CRTAC1: variants seen among roughly 807,000 people sequenced by gnomAD.
CRTAC1 encodes acidic secreted protein in cartilage.
Under a neutral mutation model 67.8 loss-of-function variants are expected in CRTAC1, and 37 were observed. That is an observed-to-expected ratio of 0.55 (90% CI 0.42 to 0.72). The LOEUF (loss-of-function observed/expected upper bound fraction) is 0.72, where lower values mean the gene tolerates loss of function less well. CRTAC1 is among the 30% of genes least tolerant of loss of function. The probability of loss-of-function intolerance (pLI) is 0.00; values close to 1 mark genes in which losing one functional copy is unlikely to be tolerated. For missense variants in CRTAC1, 780 were observed against 931.6 expected (o/e 0.84, Z 2.12); for synonymous variants, 348 against 371.0 (o/e 0.94, Z 0.71).
chr10:97,964,496 A>C (rs1280157642), intron 2 of CRTAC1, among the ~76,000 whole-genome samples: 2 of 152,120 alleles, frequency 1.3e-5, no homozygotes, highest in East Asian at 1.9e-4. Flanking sequence ...CCCATAAAAC[A>C]CTCATAGGAG....
chr10:97,971,668 T>C (rs892278810), intron 2 of CRTAC1, among the ~76,000 whole-genome samples: 3 of 152,242 alleles, frequency 2.0e-5, no homozygotes, highest in South Asian at 4.1e-4. Flanking sequence ...TTTTATGTTA[T>C]GCATAGTTTA....
intron 2 of CRTAC1, among the ~76,000 whole-genome samples, chr10:97,945,434 T>C (rs1175232158): frequency 6.6e-6 from 1 of 152,258 alleles, no homozygotes; most frequent in Non-Finnish European, 1.5e-5. Context: ...TAATGCTCTT[T>C]TTTTTGTTTG....
intron 14 of CRTAC1, chr10:97,879,511 G>T: frequency 1.4e-6 from 1 of 726,118 alleles, no homozygotes; most frequent in Non-Finnish European, 2.1e-6. Context: ...CTAAGGTTGT[G>T]TCAGTATCGC....
chr10:97,885,786 A>AC lies in CRTAC1; in HGVS notation c.1487-1436dup, dbSNP rs1263925422. Among the ~76,000 whole-genome samples the AC allele has an allele frequency of 3.3e-5, 5 of 152,308 alleles. No homozygotes were observed. In the East Asian group the frequency reaches 9.6e-4, roughly 29 times the overall value. On this transcript the variant is annotated intron_variant, in intron 11 of 14. Transcript: ENST00000370597. ...CCATCAGGGCTGAGCAGATGTGGGGACACGGGGTCCTGCAGGGGGACCTGA... is the reference window on the plus strand; with the variant it reads ...CCATCAGGGCTGAGCAGATGTGGGGACCACGGGGTCCTGCAGGGGGACCTGA...
chr10:97,881,028 G>A (rs1420368519), intron 13 of CRTAC1, among the ~76,000 whole-genome samples: 1 of 152,050 alleles, frequency 6.6e-6, no homozygotes, highest in Non-Finnish European at 1.5e-5. Flanking sequence ...CCAATTTCCT[G>A]CCATCGTGAC....
At chr10:97,972,516 C>T (rs1045613001) in intron 2 of CRTAC1, among the ~76,000 whole-genome samples, 3 of 152,156 alleles carry the variant, frequency 2.0e-5, no homozygotes, top group African/African-American at 7.2e-5. Flanking sequence ...GAAAGTTAAA[C>T]CTGTACTCGA....
chr10:97,984,790 C>T, intron 2 of CRTAC1, among the ~76,000 whole-genome samples: 1 of 152,154 alleles, frequency 6.6e-6, no homozygotes, highest in Non-Finnish European at 1.5e-5. Flanking sequence ...CTGAGTCTGT[C>T]TGACTTACGT....
At chr10:98,000,368 T>C (rs1049271492) in intron 2 of CRTAC1, among the ~76,000 whole-genome samples, 1 of 152,154 alleles carries the variant, frequency 6.6e-6, no homozygotes, top group Admixed American at 6.5e-5. Flanking sequence ...TGCCACCACG[T>C]TCCCCAGTGC....
chr10:97,937,653 A>G (rs951784666), intron 2 of CRTAC1, among the ~76,000 whole-genome samples: 1 of 152,226 alleles, frequency 6.6e-6, no homozygotes, highest in Non-Finnish European at 1.5e-5. Context: ...CAGGTGTCCC[A>G]TGGTCTGTTT....
intron 2 of CRTAC1, among the ~76,000 whole-genome samples, chr10:97,999,729 G>C (rs1468586301): frequency 1.3e-5 from 2 of 152,194 alleles, no homozygotes; most frequent in African/African-American, 4.8e-5. Flanking sequence ...TGCCTTTTCT[G>C]GGCCTGCCCA....
intron 2 of CRTAC1, among the ~76,000 whole-genome samples, chr10:97,962,628 G>A (rs2051544437): frequency 6.6e-6 from 1 of 152,188 alleles, no homozygotes; most frequent in Non-Finnish European, 1.5e-5. Context: ...GGGGACCAGG[G>A]CTACTGGTGC....
At chr10:98,012,360 C>A (rs948018434) in intron 1 of CRTAC1, among the ~76,000 whole-genome samples, 2 of 145,756 alleles carry the variant, frequency 1.4e-5, no homozygotes, top group East Asian at 4.0e-4. Context: ...GCAGATGGCA[C>A]CACCCTGAGA....
At chr10:97,900,476 C>T (rs1185997914) in intron 8 of CRTAC1, among the ~76,000 whole-genome samples, 1 of 151,668 alleles carries the variant, frequency 6.6e-6, no homozygotes, top group Non-Finnish European at 1.5e-5. Context: ...TGATTGGACC[C>T]CATAGCCCCT....
intron 2 of CRTAC1, among the ~76,000 whole-genome samples, chr10:97,974,064 C>A (rs1590253541): frequency 6.6e-6 from 1 of 151,726 alleles, no homozygotes; most frequent in Middle Eastern, 3.5e-3. Context: ...AGATAAAATA[C>A]CACTTATATT....
intron 14 of CRTAC1, chr10:97,879,561 A>G (rs2050184311): frequency 7.8e-7 from 1 of 1,277,342 alleles, no homozygotes; most frequent in Non-Finnish European, 1.0e-6. Context: ...CCTGTTGTCC[A>G]TTCAGAGGGA....
At position 97,927,041 on chromosome 10, in the gene CRTAC1, G is replaced by C. The variant is rs142532916; in HGVS notation, c.422-3641C>G. On this transcript the variant is annotated intron_variant, in intron 3 of 14. Coordinates refer to ENST00000370597, the MANE Select transcript of CRTAC1 (RefSeq NM_018058.7). ...GAAGCCTGGGCCAGCATGGAGTCGG[G>C]GAGAAAATGGGTGTGGCAGCTGGGG... is the stretch of plus-strand genomic sequence containing the variant. 9.1e-4 allele frequency among the ~76,000 whole-genome samples: 139 copies of C among 152,344 alleles called. No homozygotes were observed. The East Asian group carries it at 0.01, about 11-fold the overall frequency.
At chr10:97,973,903 G>T (rs1468618184) in intron 2 of CRTAC1, among the ~76,000 whole-genome samples, 2 of 144,904 alleles carry the variant, frequency 1.4e-5, no homozygotes, top group African/African-American at 5.1e-5. Flanking sequence ...AGAATTCTGT[G>T]ATTATAATAG....
At chr10:97,880,100 C>T in intron 14 of CRTAC1, 149 bp downstream of exon 14, 3 of 922,184 alleles carry the variant, frequency 3.3e-6, no homozygotes, top group East Asian at 4.9e-5. Flanking sequence ...CTGTCATGGT[C>T]TTCCCTGGAG....
intron 2 of CRTAC1, among the ~76,000 whole-genome samples, chr10:97,998,406 A>G (rs1252687914): frequency 1.3e-5 from 2 of 152,204 alleles, no homozygotes; most frequent in Non-Finnish European, 2.9e-5. Context: ...AAAACTGCCA[A>G]ACTGAACGAT....
Sources: gnomAD v4.1 joint callset for allele counts (sites outside exome capture counted in the v4.1 genomes callset) on GRCh38, gnomAD v4.1.1 for gene constraint, MANE v1.5 for transcripts, NCBI Gene and HGNC (gene_info 2026-07-23, HGNC 2026-07-21) for gene names.